The following HSD17B12 variants were observed in gnomAD, a reference collection of about 807,000 sequenced individuals.
HSD17B12 encodes the protein very-long-chain 3-oxoacyl-CoA reductase.
In HSD17B12, 32 loss-of-function variants were observed where a neutral mutation model predicts 39.3. The observed-to-expected ratio is 0.81, with a 90% CI of 0.61 to 1.09. The LOEUF (loss-of-function observed/expected upper bound fraction) is 1.09. HSD17B12 is among the 50% of genes least tolerant of loss of function. HSD17B12 has a pLI of 0.00. For synonymous variants in HSD17B12, 150 were observed against 146.7 expected (o/e 1.02, Z -0.16); for missense variants, 342 against 382.9 (o/e 0.89, Z 0.89).
intron 1 of HSD17B12, among the ~76,000 whole-genome samples, chr11:43,731,538 T>C (rs1161689561): frequency 6.6e-6 from 1 of 152,198 alleles, no homozygotes; most frequent in South Asian, 2.1e-4. Context: ...GCATACTGTT[T>C]ATAACTAAGG....
At chr11:43,837,629 T>A (rs1240706147) in intron 7 of HSD17B12, among the ~76,000 whole-genome samples, 2 of 152,200 alleles carry the variant, frequency 1.3e-5, no homozygotes, top group Non-Finnish European at 1.5e-5. Context: ...CTTTGCCTTT[T>A]GGCAAAAGAC....
chr11:43,557,123 T>C, the HSD17B12 span, among the ~76,000 whole-genome samples: 1 of 152,202 alleles, frequency 6.6e-6, no homozygotes, highest in East Asian at 1.9e-4. Flanking sequence ...TGGGCAGGCT[T>C]TCCTGGGGTC....
At chr11:43,843,796 G>A (rs539530349) in intron 9 of HSD17B12, among the ~76,000 whole-genome samples, 52 of 152,196 alleles carry the variant, frequency 3.4e-4, no homozygotes, top group African/African-American at 6.5e-4. Flanking sequence ...TTGGGCTCTC[G>A]TTGGAGCTCC....
intron 4 of HSD17B12, among the ~76,000 whole-genome samples, chr11:43,807,804 C>A (rs1047076635): frequency 6.6e-6 from 1 of 152,092 alleles, no homozygotes; most frequent in Non-Finnish European, 1.5e-5. Context: ...GGGTCCTCAT[C>A]GGAGGTCTTG....
chr11:43,681,828 C>T (rs928001662), intron 1 of HSD17B12, among the ~76,000 whole-genome samples: 3 of 142,452 alleles, frequency 2.1e-5, no homozygotes, highest in African/African-American at 5.1e-5. Flanking sequence ...TTTTGCTCCC[C>T]CCCCCCTTTT....
chr11:43,619,184 AT>A, the HSD17B12 span, among the ~76,000 whole-genome samples: 30 of 71,194 alleles, frequency 4.2e-4, no homozygotes, highest in Middle Eastern at 8.9e-3. Flanking sequence ...TATATATAAA[AT>A]ATATATATAT....
At chr11:43,853,881 C>T (rs544721178) in intron 9 of HSD17B12, 1 of 152,308 alleles carries the variant, frequency 6.6e-6, no homozygotes, top group South Asian at 2.1e-4. Context: ...TGTTGAACTA[C>T]CATGCCCAGG....
intron 7 of HSD17B12, chr11:43,833,806 A>G (rs1037158832): frequency 1.3e-4 from 20 of 152,216 alleles, no homozygotes; most frequent in African/African-American, 4.8e-4. Context: ...CTCTAGAACT[A>G]TAGCCTAGGG....
At chr11:43,726,786 T>G (rs1490712744) in intron 1 of HSD17B12, among the ~76,000 whole-genome samples, 1 of 152,238 alleles carries the variant, frequency 6.6e-6, no homozygotes, top group Non-Finnish European at 1.5e-5. Flanking sequence ...TCTGTATTCA[T>G]GTACACATTC....
intron 1 of HSD17B12, among the ~76,000 whole-genome samples, chr11:43,750,198 G>A (rs770062183): frequency 6.6e-6 from 1 of 151,908 alleles, no homozygotes; most frequent in Non-Finnish European, 1.5e-5. Context: ...AATATTTCCT[G>A]TATCCTGGAA....
intron 2 of HSD17B12, among the ~76,000 whole-genome samples, chr11:43,751,435 A>G (rs1030939364): frequency 2.0e-5 from 3 of 152,210 alleles, no homozygotes; most frequent in African/African-American, 4.8e-5. Flanking sequence ...ACAGGAGAGC[A>G]TCATAGTTTG....
chr11:43,747,222 C>A (rs1317731809), intron 1 of HSD17B12, among the ~76,000 whole-genome samples: 1 of 152,156 alleles, frequency 6.6e-6, no homozygotes, highest in African/African-American at 2.4e-5. Context: ...AGACTAGAAT[C>A]TTACAGAAGA....
At chr11:43,664,818 A>G in the HSD17B12 span, among the ~76,000 whole-genome samples, 1 of 152,202 alleles carries the variant, frequency 6.6e-6, no homozygotes, top group Admixed American at 6.5e-5. Context: ...CTAGTAACGG[A>G]GTTTTTAATG....
chr11:43,623,395 T>G, the HSD17B12 span, among the ~76,000 whole-genome samples: 23 of 151,346 alleles, frequency 1.5e-4, no homozygotes, highest in South Asian at 4.0e-3. Context: ...TTGTTTTTTT[T>G]GTTTTTTTTT....
the HSD17B12 span, among the ~76,000 whole-genome samples, chr11:43,613,391 CA>C: frequency 2.5e-4 from 35 of 138,106 alleles, no homozygotes; most frequent in East Asian, 6.3e-4. Flanking sequence ...AACTCTGTCT[CA>C]AAAAAAAAAA....
rs112743279 is a variant in HSD17B12, at chr11:43,721,857, C to T, written c.161-29054C>T. Among the ~76,000 whole-genome samples the T allele has an allele frequency of 7.4e-3, 1,133 of 152,212 alleles. 14 individuals are homozygous for T. The highest frequency in any genetic ancestry group is 0.026 in the African/African-American group (1,083 of 41,518). On this transcript the variant is annotated intron_variant, in intron 1 of 10. Transcript: ENST00000278353. The stretch of plus-strand genomic sequence containing the variant: ...TTGAACAGGGCTAAGGTTGTGATGT[C>T]ATTTACTTTTTGCAAAGATGTCTGT...
At chr11:43,662,375 A>AT in the HSD17B12 span, among the ~76,000 whole-genome samples, 3 of 46,642 alleles carry the variant, frequency 6.4e-5, no homozygotes, top group South Asian at 2.2e-3. Context: ...ATTTTATTTT[A>AT]TTTGTGTGTG....
the HSD17B12 span, among the ~76,000 whole-genome samples, chr11:43,669,465 C>T: frequency 6.7e-6 from 1 of 150,242 alleles, no homozygotes; most frequent in Non-Finnish European, 1.5e-5. Context: ...GGTGCCACTG[C>T]ATTCCAGCCT....
chr11:43,580,220 G>C, the HSD17B12 span, among the ~76,000 whole-genome samples: 2 of 151,684 alleles, frequency 1.3e-5, no homozygotes, highest in Non-Finnish European at 2.9e-5. Context: ...GAGAGTGAGG[G>C]AAGGAGATCT....
Sources: allele counts gnomAD v4.1 joint callset (sites outside exome capture counted in the v4.1 genomes callset), GRCh38; gene constraint gnomAD v4.1.1; transcripts MANE v1.5; gene names NCBI Gene and HGNC (gene_info 2026-07-23, HGNC 2026-07-21).